ZNF638: variants seen among roughly 807,000 people sequenced by gnomAD.
ZNF638 encodes zinc finger protein 638, also known as CTCL tumor antigen se33-1.
In ZNF638, 46 loss-of-function variants were observed where a neutral mutation model predicts 195.6. That is an observed-to-expected ratio of 0.24 (90% CI 0.19 to 0.30). The LOEUF is 0.30. Ranked by LOEUF, ZNF638 falls within the 10% of genes least tolerant of loss-of-function variation. ZNF638 has a pLI of 1.00. For missense variants in ZNF638, 2,440 were observed against 2,325.3 expected (o/e 1.05, Z -1.01); for synonymous variants, 845 against 772.0 (o/e 1.09, Z -1.57).
In ZNF638 at chr2:71,403,878, A is replaced by G; in HGVS notation, c.2838A>G (p.Ile946Met). 6.4e-7 allele frequency: 1 copy of G among 1,565,728 alleles called. No individual in the cohort carries two copies. The highest frequency in any genetic ancestry group is 1.2e-5 in the South Asian group (1 of 85,836). The change falls in exon 17 of 28, where the codon ATA becomes ATG. Residue 946 changes from isoleucine to methionine, a missense_variant. This residue lies in a region of ZNF638 where 1,883 missense variants were observed against 1,739.1 expected (regional missense o/e 1.08). Coordinates refer to ENST00000264447, the MANE Select transcript of ZNF638 (RefSeq NM_014497.5). ...LILSSHKKAY[I>M]EINRKAAESM... is the part of the protein sequence containing the mutation. ...AATTTCTGTTTTAAAAGGCATATATAGAAATAAATAGAAAAGCTGCTGAGT... is the reference window on the plus strand; with the variant it reads ...AATTTCTGTTTTAAAAGGCATATATGGAAATAAATAGAAAAGCTGCTGAGT...
chr2:71,353,174 T>G (rs929156984), intron 2 of ZNF638, among the ~76,000 whole-genome samples: 1 of 152,184 alleles, frequency 6.6e-6, no homozygotes, highest in African/African-American at 2.4e-5. Context: ...AATCTGACAA[T>G]ATGTATATTC....
At chr2:71,387,240 G>A (rs2079659803) in intron 10 of ZNF638, among the ~76,000 whole-genome samples, 1 of 152,102 alleles carries the variant, frequency 6.6e-6, no homozygotes, top group Admixed American at 6.5e-5. Context: ...TAGACAAAAA[G>A]TAGGACAGAA....
intron 8 of ZNF638, among the ~76,000 whole-genome samples, chr2:71,373,025 AC>A (rs2079343244): frequency 6.6e-6 from 1 of 152,186 alleles, no homozygotes; most frequent in African/African-American, 2.4e-5. Flanking sequence ...TTTAGGTGAT[AC>A]CTACCCAATG....
chr2:71,368,482 C>A lies in ZNF638; in HGVS notation c.2096C>A (p.Pro699Gln), dbSNP rs2079246665. The part of the protein sequence containing the change: ...TEEDVRKLFQ[P>Q]FGKVNDVLIV... ...GAAGATGTGAGAAAATTATTTCAACCATTTGGGAAAGTGAATGATGTCCTA... is the reference window on the plus strand; with the variant it reads ...GAAGATGTGAGAAAATTATTTCAACAATTTGGGAAAGTGAATGATGTCCTA... Residue 699 changes from proline to glutamine, a missense_variant, in exon 7 of 28, where the codon CCA becomes CAA. Physicochemically the swap from Pro to Gln is moderately conservative, Grantham distance 76 (BLOSUM62 -1). Around this residue, in one of 5 missense-constraint regions of ZNF638, gnomAD observed 1,883 missense variants for 1,739.1 expected, o/e 1.08. Transcript: ENST00000264447. The A allele has an allele frequency of 1.9e-6, 3 of 1,613,298 alleles. No homozygotes were observed. The highest frequency in any genetic ancestry group is 2.5e-6 in the Non-Finnish European group (3 of 1,179,746).
chr2:71,399,420 A>C, intron 12 of ZNF638, 139 bp from the exon 13 acceptor site: 2 of 631,232 alleles, frequency 3.2e-6, no homozygotes, highest in Non-Finnish European at 5.5e-6. Flanking sequence ...GAGGTACTGA[A>C]AATAAATAGA....
At chr2:71,380,142 A>T (rs933838640) in intron 8 of ZNF638, 80 bp from the exon 9 acceptor site, 24 of 753,654 alleles carry the variant, frequency 3.2e-5, no homozygotes, top group Non-Finnish European at 1.0e-5. Flanking sequence ...TTAGAATAGG[A>T]AGATTTTAGA....
intron 10 of ZNF638, among the ~76,000 whole-genome samples, chr2:71,392,247 G>C (rs147450997): frequency 1.1e-4 from 16 of 152,228 alleles, no homozygotes; most frequent in Non-Finnish European, 2.4e-4. Context: ...TACTCCTCTA[G>C]TTTTGCCAAC....
At position 71,349,590 on chromosome 2, in the gene ZNF638, G is replaced by A. The variant is rs775093471; in HGVS notation, c.636G>A (p.Gly212=). 5 of 1,614,132 alleles carry A rather than the reference G, an allele frequency of 3.1e-6. No individual in the cohort carries two copies. The Admixed American group carries it at 6.7e-5, about 22-fold the overall frequency. ...EAVSSNVIDY[G]HASKYGYTED... The stretch of plus-strand genomic sequence containing the variant: ...TTTCAAGTAATGTGATCGATTATGG[G>A]CATGCAAGCAAATATGGCTACACAG... The change falls in exon 2 of 28, where the codon GGG becomes GGA. Residue 212 remains glycine (G), a synonymous_variant. Coordinates refer to ENST00000264447, the MANE Select transcript of ZNF638 (RefSeq NM_014497.5).
At chr2:71,418,262 TA>T in intron 20 of ZNF638, 1 of 181,740 alleles carries the variant, frequency 5.5e-6, no homozygotes, top group Non-Finnish European at 1.1e-5. Context: ...TCTTTTAAAA[TA>T]ATTCCTCAAG....
intron 23 of ZNF638, 60 bp downstream of exon 23, chr2:71,424,775 A>G (rs1194943291): frequency 8.9e-6 from 12 of 1,352,758 alleles, no homozygotes; most frequent in Admixed American, 6.0e-5. Flanking sequence ...CAGTTCATCT[A>G]TCTTATAACT....
At chr2:71,406,803 C>T (rs537740284) in intron 19 of ZNF638, among the ~76,000 whole-genome samples, 31 of 151,988 alleles carry the variant, frequency 2.0e-4, no homozygotes, top group African/African-American at 5.8e-4. Context: ...AGTTTGAGAC[C>T]AGCCTGGGCA....
At chr2:71,334,774 A>G (rs1407787556) in intron 1 of ZNF638, among the ~76,000 whole-genome samples, 3 of 151,990 alleles carry the variant, frequency 2.0e-5, no homozygotes, top group African/African-American at 7.2e-5. Context: ...AAAAAAAATT[A>G]GCCGGGCGTG....
chr2:71,373,621 T>C (rs1236299226), intron 8 of ZNF638, among the ~76,000 whole-genome samples: 1 of 151,090 alleles, frequency 6.6e-6, no homozygotes, highest in Non-Finnish European at 1.5e-5. Flanking sequence ...GGTTTCACCA[T>C]GTTAGCCAGG....
Position 71,423,787 on chromosome 2 carries a change from CA to C in ZNF638, c.4276del (p.Ile1426Ter). 1 of 1,613,960 alleles carries C rather than the reference CA, an allele frequency of 6.2e-7. No individual in the cohort carries two copies. The highest frequency in any genetic ancestry group is 8.5e-7 in the Non-Finnish European group (1 of 1,180,018). ...KSFPKSVPRDQINAEKKLSAK... is the reference protein window; with the variant it reads ...KSFPKSVPRDXINAEKKLSAK... ...TTTTCCAAAATCTGTGCCCAGAGATCAAATAAATGCTGAAAAGAAACTTTCA... is the reference window on the plus strand; with the variant it reads ...TTTTCCAAAATCTGTGCCCAGAGATCAATAAATGCTGAAAAGAAACTTTCA... On this transcript the variant is annotated frameshift_variant, in exon 22 of 28. Coordinates refer to ENST00000264447, the MANE Select transcript of ZNF638 (RefSeq NM_014497.5). LOFTEE classifies it high-confidence loss of function.
chr2:71,419,604 A>G (rs1354740199), intron 21 of ZNF638, among the ~76,000 whole-genome samples: 1 of 152,202 alleles, frequency 6.6e-6, no homozygotes, highest in East Asian at 1.9e-4. Flanking sequence ...AGGGTTATTT[A>G]AGTTGTATGT....
At chr2:71,363,403 T>C (rs531651074) in intron 4 of ZNF638, among the ~76,000 whole-genome samples, 40 of 151,586 alleles carry the variant, frequency 2.6e-4, no homozygotes, top group African/African-American at 9.2e-4. Flanking sequence ...GAAAATACTT[T>C]ATTCTGACAT....
intron 19 of ZNF638, 100 bp downstream of exon 19, chr2:71,406,362 A>G (rs1465892102): frequency 1.3e-5 from 14 of 1,053,820 alleles, no homozygotes; most frequent in Non-Finnish European, 1.8e-5. Flanking sequence ...GCACCTGTAA[A>G]TATTACTCAA....
intron 10 of ZNF638, among the ~76,000 whole-genome samples, chr2:71,381,309 TA>T (rs774748788): frequency 6.6e-6 from 1 of 152,172 alleles, no homozygotes; most frequent in Non-Finnish European, 1.5e-5. Context: ...TGGAATGAGG[TA>T]AGAATTTAGG....
At chr2:71,434,207 T>C (rs184487521) in intron 27 of ZNF638, among the ~76,000 whole-genome samples, 213 of 152,344 alleles carry the variant, frequency 1.4e-3, no homozygotes, top group African/African-American at 4.2e-3. Context: ...TCTGGCTCTC[T>C]CTGTTCTGTT....
Sources: gnomAD v4.1 joint callset for allele counts (sites outside exome capture counted in the v4.1 genomes callset) on GRCh38, gnomAD v4.1.1 for gene constraint, gnomAD v4.1.1 regional missense constraint, MANE v1.5 for transcripts, NCBI Gene and HGNC (gene_info 2026-07-23, HGNC 2026-07-21) for gene names.